TASOR: variants seen among roughly 807,000 people sequenced by gnomAD.
TASOR encodes transcription activation suppressor.
TASOR carries 53 observed loss-of-function variants against 178.6 expected under a neutral mutation model. That is an observed-to-expected ratio of 0.30 (90% CI 0.24 to 0.37). The LOEUF (loss-of-function observed/expected upper bound fraction) is 0.37. TASOR is among the 10% of genes least tolerant of loss of function. TASOR has a pLI of 1.00. For synonymous variants in TASOR, 713 were observed against 696.2 expected (o/e 1.02, Z -0.38); for missense variants, 1,815 against 1,971.4 (o/e 0.92, Z 1.50).
intron 19 of TASOR, among the ~76,000 whole-genome samples, chr3:56,628,026 C>T (rs558593728): frequency 2.8e-4 from 43 of 152,306 alleles, no homozygotes; most frequent in African/African-American, 9.9e-4. Flanking sequence ...CCTGTGAGTA[C>T]AGTCAGAATT....
At position 56,660,758 on chromosome 3, in the gene TASOR, T is replaced by G. The variant is rs899707834; in HGVS notation, c.1341A>C (p.Leu447Phe). The G allele has an allele frequency of 6.2e-7, 1 of 1,613,428 alleles. No homozygotes were observed. The highest frequency in any genetic ancestry group is 1.3e-5 in the African/African-American group (1 of 74,936). The change falls in exon 11 of 24, where the codon TTA becomes TTC. Residue 447 changes from leucine (L) to phenylalanine (F), a missense_variant. Physicochemically the swap from Leu to Phe is conservative, Grantham distance 22. This residue lies in a region of TASOR where 504 missense variants were observed against 645.3 expected (regional missense o/e 0.78). Transcript: ENST00000683822. The stretch of plus-strand genomic sequence containing the variant: ...GTTTTTCTCTGTCTAGTTTTTGCAG[T>G]AAACTCTCCATGTTACTTCCAATTC... ...KTRIGSNMES[L>F]LQKLDREKLV...
chr3:56,627,010 A>G, intron 21 of TASOR, 27 bp downstream of exon 21: 6 of 1,330,316 alleles, frequency 4.5e-6, no homozygotes, highest in Non-Finnish European at 6.4e-6. Flanking sequence ...ATCAACAACC[A>G]TTATATAGTT....
intron 9 of TASOR, among the ~76,000 whole-genome samples, chr3:56,661,293 T>A (rs1198062324): frequency 6.6e-6 from 1 of 152,206 alleles, no homozygotes; most frequent in Non-Finnish European, 1.5e-5. Flanking sequence ...ACTACAGGCA[T>A]GTGCCACCAC....
intron 16 of TASOR, 148 bp downstream of exon 16, chr3:56,639,838 A>C (rs1181549535): frequency 2.7e-5 from 18 of 655,814 alleles, no homozygotes; most frequent in Non-Finnish European, 3.8e-5. Flanking sequence ...ACACTGTATT[A>C]CTCAAAATAA....
intron 2 of TASOR, 107 bp from the exon 3 acceptor site, chr3:56,671,799 A>T: frequency 1.3e-6 from 1 of 770,926 alleles, no homozygotes; most frequent in Non-Finnish European, 2.1e-6. Flanking sequence ...AAAATGGAAA[A>T]ATAATCTCTA....
intron 7 of TASOR, 101 bp downstream of exon 7, chr3:56,666,159 A>C: frequency 9.1e-7 from 1 of 1,104,762 alleles, no homozygotes; most frequent in Non-Finnish European, 1.2e-6. Flanking sequence ...AGTTAAAAAA[A>C]AAAAAATGGG....
intron 16 of TASOR, among the ~76,000 whole-genome samples, chr3:56,639,222 G>GT (rs1404184357): frequency 6.6e-6 from 1 of 152,124 alleles, no homozygotes; most frequent in African/African-American, 2.4e-5. Flanking sequence ...AGTCTACTTT[G>GT]TAACAAAAAG....
rs1041753719 is a variant in TASOR, at chr3:56,624,216, A to G, written c.4483+263T>C. Among the ~76,000 whole-genome samples, 5 of 152,136 alleles carry G rather than the reference A, an allele frequency of 3.3e-5. 1 individual carries two copies. In the South Asian group the frequency reaches 6.2e-4, roughly 19 times the overall value. ...CAAAAACCTCAAAGACAAAATGCAT[A>G]CTCCATAGTATGCACTGTCTACAAT... On this transcript the variant is annotated intron_variant, in intron 23 of 23. Transcript: ENST00000683822.
intron 13 of TASOR, among the ~76,000 whole-genome samples, chr3:56,647,752 A>G (rs1249282822): frequency 6.6e-6 from 1 of 152,244 alleles, no homozygotes; most frequent in African/African-American, 2.4e-5. Flanking sequence ...ATTAAAGTTC[A>G]TTCTTAGAAA....
At chr3:56,638,867 T>G (rs1242694065) in intron 16 of TASOR, 102 bp from the exon 17 acceptor site, 67 of 1,122,050 alleles carry the variant, frequency 6.0e-5, no homozygotes, top group Non-Finnish European at 1.3e-6. Flanking sequence ...CATTCCTTCT[T>G]CTGCCTAAAA....
intron 21 of TASOR, 134 bp downstream of exon 21, chr3:56,626,903 T>C: frequency 1.7e-6 from 1 of 574,150 alleles, no homozygotes; most frequent in Non-Finnish European, 3.1e-6. Flanking sequence ...ATTCAGTATC[T>C]ATACTCAATT....
intron 19 of TASOR, 126 bp from the exon 20 acceptor site, chr3:56,627,867 C>G: frequency 2.6e-6 from 2 of 765,826 alleles, no homozygotes; most frequent in Non-Finnish European, 4.2e-6. Context: ...TGGATTACCT[C>G]TGGAAAGCCA....
In TASOR at chr3:56,633,792, T is replaced by C; in HGVS notation, c.2999A>G (p.Glu1000Gly). ...EDDVLTGQVE[E>G]QCVPAAEAEP... ...TGCCTCTGCTGCTGGCACACACTGC[T>C]CCTCCACCTGACCTGTCAACACGTC... The change falls in exon 18 of 24, where the codon GAG (glutamate) becomes GGG (glycine). Residue 1000 changes from glutamate (E) to glycine (G), a missense_variant. Glu to Gly is a moderately conservative substitution (Grantham distance 98). This residue lies in a region of TASOR where 655 missense variants were observed against 671.1 expected (regional missense o/e 0.98). Coordinates refer to ENST00000683822, the MANE Select transcript of TASOR (RefSeq NM_001365635.2). The C allele has an allele frequency of 3.1e-6, 5 of 1,614,218 alleles. No homozygotes were observed. Among genetic ancestry groups the C allele is most frequent in the Non-Finnish European group, 4.2e-6 (5 of 1,180,030 alleles).
rs190447121 is a variant in TASOR at position 56,623,700 on chromosome 3, C to T, written c.4484-134G>A. 2.8e-5 allele frequency: 43 copies of T among 1,543,754 alleles called. No individual in the cohort carries two copies. The Admixed American group carries it at 6.7e-4, about 24-fold the overall frequency. On this transcript the variant is annotated intron_variant, in intron 23 of 23. Transcript: ENST00000683822. ...CAATCCCTTAAAGCTTGGTCTTCTGCCACAAGTTCACTTAGTCACAACACT... is the reference window on the plus strand; with the variant it reads ...CAATCCCTTAAAGCTTGGTCTTCTGTCACAAGTTCACTTAGTCACAACACT...
intron 7 of TASOR, 83 bp downstream of exon 7, chr3:56,666,177 C>A: frequency 5.9e-6 from 7 of 1,178,246 alleles, no homozygotes; most frequent in Middle Eastern, 2.1e-4. Flanking sequence ...GGGAAGGAAA[C>A]AAAATGGTCC....
chr3:56,673,498 A>T, intron 2 of TASOR, 82 bp downstream of exon 2: 7 of 852,004 alleles, frequency 8.2e-6, no homozygotes, highest in Admixed American at 4.2e-5. Flanking sequence ...TAAAAATTTT[A>T]GTATTTCTAG....
rs939262614 is a variant in TASOR, at chr3:56,683,174, G to A, written c.-168C>T. The A allele has an allele frequency of 6.5e-5, 45 of 690,754 alleles. No individual in the cohort carries two copies. Among genetic ancestry groups the A allele is most frequent in the East Asian group, 2.0e-4 (7 of 34,988 alleles). The allele number at this position is 690,754 out of a possible 1,614,324, so 42.8% of individuals were successfully genotyped here. ...ACCTGGCAGCCTCTTGGGGGGCCCTGTAGCGGGCACCCCAAATGCGCTGCC... is the reference window on the plus strand; with the variant it reads ...ACCTGGCAGCCTCTTGGGGGGCCCTATAGCGGGCACCCCAAATGCGCTGCC... On this transcript the variant is annotated 5_prime_UTR_variant, in exon 1 of 24. Coordinates refer to ENST00000683822, the MANE Select transcript of TASOR (RefSeq NM_001365635.2).
rs1031645281 is a variant in TASOR, at chr3:56,671,509, A to C, written c.570+91T>G. 12 of 865,808 alleles carry C rather than the reference A, an allele frequency of 1.4e-5. No individual in the cohort carries two copies. In the African/African-American group the frequency reaches 1.9e-4, roughly 14 times the overall value. 53.6% of individuals were successfully genotyped at this position (865,808 alleles called of 1,614,324 possible). A position where few individuals can be genotyped will look rare whatever the true frequency, so the allele number is the denominator to read the frequency against. ...CCACTTATATATCAAAAAAGTCTGT[A>C]ATTGTAAAGAATACTGTTGAATAAT... On this transcript the variant is annotated intron_variant, in intron 3 of 23. Coordinates refer to ENST00000683822, the MANE Select transcript of TASOR (RefSeq NM_001365635.2).
At chr3:56,640,228 A>C in intron 15 of TASOR, 98 bp from the exon 16 acceptor site, 1 of 1,030,418 alleles carries the variant, frequency 9.7e-7, no homozygotes, top group Non-Finnish European at 1.4e-6. Flanking sequence ...GCTTCAATCT[A>C]AACATTACAA....
Sources: allele counts gnomAD v4.1 joint callset (sites outside exome capture counted in the v4.1 genomes callset), GRCh38; gene constraint gnomAD v4.1.1; regional missense constraint gnomAD v4.1.1; transcripts MANE v1.5; gene names NCBI Gene and HGNC (gene_info 2026-07-23, HGNC 2026-07-21).